PLOD2: variants seen among roughly 807,000 people sequenced by gnomAD.
PLOD2 encodes the protein procollagen-lysine,2-oxoglutarate 5-dioxygenase 2, also known as lysine hydroxylase 2.
A neutral mutation model predicts 101.0 loss-of-function variants in PLOD2; 65 were observed. The observed-to-expected ratio is 0.64, with a 90% CI of 0.53 to 0.79. PLOD2 has a LOEUF of 0.79. Ranked by LOEUF, PLOD2 falls within the 30% of genes least tolerant of loss-of-function variation. The probability of loss-of-function intolerance (pLI) is 0.00; values close to 1 mark genes in which losing one functional copy is unlikely to be tolerated. For synonymous variants in PLOD2, 314 were observed against 302.9 expected (o/e 1.04, Z -0.38); for missense variants, 909 against 914.6 (o/e 0.99, Z 0.08).
chr3:146,106,290 G>A (rs993646552), intron 5 of PLOD2, among the ~76,000 whole-genome samples: 2 of 152,088 alleles, frequency 1.3e-5, no homozygotes, highest in South Asian at 2.1e-4. Context: ...AACCAAGTTC[G>A]GCAAGTTTGC....
At chr3:146,131,937 A>G (rs2108110463) in intron 1 of PLOD2, among the ~76,000 whole-genome samples, 1 of 152,314 alleles carries the variant, frequency 6.6e-6, no homozygotes. Flanking sequence ...ACAAGAAAAA[A>G]AAAACCTAAA....
chr3:146,081,845 A>G lies in PLOD2; in HGVS notation c.1251T>C (p.Leu417=). 1 of 1,612,674 alleles carries G rather than the reference A, an allele frequency of 6.2e-7. No homozygotes were observed. Among genetic ancestry groups the G allele is most frequent in the Non-Finnish European group, 8.5e-7 (1 of 1,178,872 alleles). The part of the protein sequence containing the change: ...IEQNRKIIAP[L]VTRHGKLWSN... ...ACCACAGCTTTCCATGACGAGTTAC[A>G]AGAGGAGCAATGATCTTTCTAAAGA... Residue 417 remains leucine (L), a synonymous_variant, in exon 12 of 20, where the codon CTT becomes CTC. Coordinates refer to ENST00000282903, the MANE Select transcript of PLOD2 (RefSeq NM_182943.3).
At chr3:146,134,784 A>C (rs2031131519) in intron 1 of PLOD2, among the ~76,000 whole-genome samples, 1 of 152,244 alleles carries the variant, frequency 6.6e-6, no homozygotes, top group Non-Finnish European at 1.5e-5. Context: ...CTGGAGCAGA[A>C]AGCTTGAGTT....
intron 1 of PLOD2, among the ~76,000 whole-genome samples, chr3:146,127,862 A>G (rs2030668321): frequency 6.6e-6 from 1 of 152,176 alleles, no homozygotes. Context: ...TCAAAAAACA[A>G]CAGATGTTGG....
chr3:146,096,801 G>A (rs1211890457), intron 7 of PLOD2, among the ~76,000 whole-genome samples: 2 of 146,574 alleles, frequency 1.4e-5, no homozygotes, highest in Non-Finnish European at 3.0e-5. Context: ...CGGGAGGTGA[G>A]GGGCTCCTCT....
chr3:146,151,245 C>G (rs1292740386), intron 1 of PLOD2, among the ~76,000 whole-genome samples: 6 of 152,124 alleles, frequency 3.9e-5, no homozygotes, highest in African/African-American at 1.4e-4. Flanking sequence ...CGCCTGTAAT[C>G]CCAGCACTTC....
rs983860724 is a variant in PLOD2 at position 146,069,977 on chromosome 3, C to T, written c.*740G>A. On this transcript the variant is annotated 3_prime_UTR_variant, in exon 20 of 20. Coordinates refer to ENST00000282903, the MANE Select transcript of PLOD2 (RefSeq NM_182943.3). ...TTGCTGATCTTGACACTTGATAATA[C>T]TTTAAGAAATGGAAAGGTTTTCCTA... 2 of 152,092 alleles carry T rather than the reference C, an allele frequency of 1.3e-5. No homozygotes were observed. The highest frequency in any genetic ancestry group is 2.4e-5 in the African/African-American group (1 of 41,400). 9.4% of individuals were successfully genotyped at this position (152,092 alleles called of 1,614,324 possible). A position where few individuals can be genotyped will look rare whatever the true frequency, so the allele number is the denominator to read the frequency against.
At chr3:146,090,944 A>G (rs1936951452) in intron 8 of PLOD2, among the ~76,000 whole-genome samples, 1 of 151,850 alleles carries the variant, frequency 6.6e-6, no homozygotes, top group African/African-American at 2.4e-5. Context: ...CCTAGAATCA[A>G]TGCTTCATAC....
chr3:146,152,244 C>T (rs2032089327), intron 1 of PLOD2, among the ~76,000 whole-genome samples: 1 of 151,954 alleles, frequency 6.6e-6, no homozygotes, highest in Non-Finnish European at 1.5e-5. Flanking sequence ...TATGGTGAAA[C>T]CCCCGTTTCT....
rs748332300 is a variant in PLOD2, at chr3:146,076,851, T to C, written c.1608A>G (p.Leu536=). The C allele has an allele frequency of 4.4e-6, 7 of 1,591,164 alleles. No individual in the cohort carries two copies. Among genetic ancestry groups the C allele is most frequent in the African/African-American group, 4.0e-5 (3 of 74,300 alleles). ...AAGTATTGTAATTAGCAGTGGATAA[T>C]AGCCTTCCAAATTCATGTCTATTAG... ...YISNRHEFGR[L]LSTANYNTSH... is the part of the protein sequence containing the mutation. The change falls in exon 15 of 20, where the codon CTA becomes CTG. Residue 536 remains leucine, a synonymous_variant. Transcript: ENST00000282903.
intron 3 of PLOD2, among the ~76,000 whole-genome samples, chr3:146,120,141 C>G (rs374670406): frequency 4.6e-5 from 7 of 152,042 alleles, no homozygotes; most frequent in East Asian, 1.9e-4. Context: ...CATTCTAACT[C>G]GTGTGAGATG....
intron 3 of PLOD2, among the ~76,000 whole-genome samples, chr3:146,116,469 G>A (rs764250276): frequency 4.0e-4 from 61 of 152,118 alleles, no homozygotes; most frequent in Non-Finnish European, 5.1e-4. Context: ...AATCCCACTT[G>A]ATCATGGGGG....
Position 146,070,790 on chromosome 3 carries a change from A to T in PLOD2, c.2204T>A (p.Leu735His). Residue 735 changes from leucine to histidine, a missense_variant, in exon 20 of 20, where the codon CTC (leucine) becomes CAC (histidine). Leu to His is a moderately conservative substitution (Grantham distance 99). Transcript: ENST00000282903. Reference sequence around the variant, plus strand: ...AGGAAGTCCTTCATGCAAATGTGTGAGTCTCCCAGGATGCATGAAGCTCCA... The same window carrying T: ...AGGAAGTCCTTCATGCAAATGTGTGTGTCTCCCAGGATGCATGAAGCTCCA... ...KGWSFMHPGR[L>H]THLHEGLPVK... The T allele has an allele frequency of 6.2e-7, 1 of 1,608,756 alleles. No individual in the cohort carries two copies. The highest frequency in any genetic ancestry group is 1.1e-5 in the South Asian group (1 of 90,966).
chr3:146,085,386 T>A (rs913763671), intron 10 of PLOD2, 113 bp from the exon 11 acceptor site: 2 of 693,704 alleles, frequency 2.9e-6, no homozygotes, highest in African/African-American at 3.6e-5. Context: ...AGCATACTTT[T>A]CTGATCAAAA....
chr3:146,104,395 ATTCC>A, intron 5 of PLOD2, 53 bp from the exon 6 acceptor site: 1 of 872,482 alleles, frequency 1.1e-6, no homozygotes, highest in South Asian at 1.3e-5. Flanking sequence ...AACAGCAAAC[ATTCC>A]TATCATATTA....
At chr3:146,137,865 C>T (rs2108119817) in intron 1 of PLOD2, among the ~76,000 whole-genome samples, 1 of 152,066 alleles carries the variant, frequency 6.6e-6, no homozygotes, top group Middle Eastern at 3.4e-3. Flanking sequence ...TAGATAACAG[C>T]CCTATGAGGA....
intron 4 of PLOD2, among the ~76,000 whole-genome samples, chr3:146,107,083 C>A (rs181431228): frequency 7.2e-5 from 11 of 152,302 alleles, no homozygotes; most frequent in Admixed American, 3.3e-4. Flanking sequence ...AGTGGTTTTA[C>A]TGTCAGTGCC....
intron 1 of PLOD2, among the ~76,000 whole-genome samples, chr3:146,147,513 A>G (rs1254587838): frequency 6.6e-6 from 1 of 152,176 alleles, no homozygotes; most frequent in African/African-American, 2.4e-5. Flanking sequence ...TTGGGGCCAG[A>G]TAATTCTTTC....
intron 1 of PLOD2, among the ~76,000 whole-genome samples, chr3:146,159,020 A>C (rs1013221223): frequency 6.6e-6 from 1 of 152,172 alleles, no homozygotes; most frequent in African/African-American, 2.4e-5. Flanking sequence ...ACAGTCCATG[A>C]TTCTGCCCAC....
Sources: gnomAD v4.1 joint callset for allele counts (sites outside exome capture counted in the v4.1 genomes callset) on GRCh38, gnomAD v4.1.1 for gene constraint, MANE v1.5 for transcripts, NCBI Gene and HGNC (gene_info 2026-07-23, HGNC 2026-07-21) for gene names.